The following LDB1 variants were observed in gnomAD, a reference collection of about 807,000 sequenced individuals.
The protein encoded by LDB1 is LIM domain-binding protein 1.
In LDB1, 6 loss-of-function variants were observed where a neutral mutation model predicts 49.7. The ratio of observed to expected loss-of-function variants is 0.12; its 90% CI spans 0.07 to 0.24. The LOEUF (loss-of-function observed/expected upper bound fraction) is 0.24, where lower values mean the gene tolerates loss of function less well. Ranked by LOEUF, LDB1 falls within the 10% of genes least tolerant of loss-of-function variation. The probability of loss-of-function intolerance (pLI) is 1.00; values close to 1 mark genes in which losing one functional copy is unlikely to be tolerated. For synonymous variants in LDB1, 233 were observed against 202.0 expected, an observed-to-expected ratio of 1.15 and a Z score of -1.30; for missense variants, 341 against 561.7, an observed-to-expected ratio of 0.61 and a Z score of 3.97.
intron 1 of LDB1, among the ~76,000 whole-genome samples, chr10:102,119,306 C>G (rs558325799): frequency 4.0e-5 from 6 of 151,666 alleles, no homozygotes; most frequent in African/African-American, 1.2e-4. Flanking sequence ...CCGCCCCCCC[C>G]ACCTGCCCCC....
At position 102,109,023 on chromosome 10, in the gene LDB1, G is replaced by C; in HGVS notation, c.1005+6C>G. 6.2e-7 allele frequency: 1 copy of C among 1,614,244 alleles called. No homozygotes were observed. The highest frequency in any genetic ancestry group is 8.5e-7 in the Non-Finnish European group (1 of 1,180,044). ...CCAGAAGAGAGAAGAAAGCCGAGATGCTTACAGGTACCTGGCTGGAGAGGG... is the reference window on the plus strand; with the variant it reads ...CCAGAAGAGAGAAGAAAGCCGAGATCCTTACAGGTACCTGGCTGGAGAGGG... On this transcript the variant is annotated splice_donor_region_variant and intron_variant, in intron 10 of 10. Coordinates refer to ENST00000673968, the MANE Select transcript of LDB1 (RefSeq NM_001113407.3). The surrounding 1 kb of genome is among the most constrained non-coding windows in gnomAD (Gnocchi z 5.8).
In LDB1 at chr10:102,111,281, G is replaced by A. The variant is rs1392938518; in HGVS notation, c.148C>T (p.Pro50Ser). 6.2e-7 allele frequency: 1 copy of A among 1,614,138 alleles called. No individual in the cohort carries two copies. Among genetic ancestry groups the A allele is most frequent in the South Asian group, 1.1e-5 (1 of 91,084 alleles). ...RDVGPTPMYP[P>S]TYLEPGIGRH... Reference sequence around the variant, plus strand: ...CCAATCCCTGGCTCCAGGTATGTAGGCGGATACATGGGAGTTGGGCTGTGT... The same window carrying A: ...CCAATCCCTGGCTCCAGGTATGTAGACGGATACATGGGAGTTGGGCTGTGT... Residue 50 changes from proline (P) to serine (S), a missense_variant, in exon 3 of 11, where the codon CCT (proline) becomes TCT (serine). This residue lies in a region of LDB1 where 48 missense variants were observed against 43.9 expected (regional missense o/e 1.09). Transcript: ENST00000673968.
At position 102,114,377 on chromosome 10, in the gene LDB1, C is replaced by T. The variant is rs1228132330; in HGVS notation, c.26-2841G>A. On this transcript the variant is annotated intron_variant, in intron 1 of 10. Transcript: ENST00000673968. ...GGGCTGAGGGCCTTCCGCCCACCCC[C>T]AACAGGCTCGCAGGGTGCCCAGACT... 1.5e-5 allele frequency: 15 copies of T among 986,236 alleles called. No individual in the cohort carries two copies. The East Asian group carries it at 1.0e-3, about 67-fold the overall frequency. 61.1% of individuals were successfully genotyped at this position (986,236 alleles called of 1,614,324 possible).
intron 1 of LDB1, among the ~76,000 whole-genome samples, chr10:102,115,723 C>T (rs2068327683): frequency 6.6e-6 from 1 of 152,072 alleles, no homozygotes; most frequent in Non-Finnish European, 1.5e-5. Context: ...TCCTCCCCAC[C>T]ACCCCAGAAA....
At chr10:102,121,180 C>T (rs1564919356), upstream of LDB1, among the ~76,000 whole-genome samples, 3 of 152,124 alleles carry the variant, frequency 2.0e-5, no homozygotes, top group South Asian at 6.2e-4. Flanking sequence ...GATTGGATTA[C>T]GGAGGGGCGA....
Position 102,109,755 on chromosome 10 carries a change from A to G in LDB1, c.649-72T>C, listed in dbSNP as rs1341763263. The G allele has an allele frequency of 6.4e-7, 1 of 1,555,078 alleles. No homozygotes were observed. On this transcript the variant is annotated intron_variant, in intron 7 of 10. Transcript: ENST00000673968. This position sits in a 1 kb window ranked among gnomAD's most constrained non-coding sequence, Gnocchi z 5.8. ...CTCTGCTCACCTGCCCTATCATCTG[A>G]GCATTGTGACACTCCTGAGAGAGGA...
At chr10:102,108,430 C>A in intron 10 of LDB1, 107 bp from the exon 11 acceptor site, 1 of 762,508 alleles carries the variant, frequency 1.3e-6, no homozygotes, top group South Asian at 1.7e-5. Context: ...CTCAAGAGTC[C>A]CCACCCCCTC....
chr10:102,120,515 A>G, upstream of LDB1: 1 of 364,498 alleles, frequency 2.7e-6, no homozygotes, highest in Non-Finnish European at 3.8e-6. Flanking sequence ...GCCGGGCTTT[A>G]TTAATATGCT....
At position 102,108,288 on chromosome 10, in the gene LDB1, G is replaced by A. The variant is rs2068196921; in HGVS notation, c.1041C>T (p.Gly347=). ...TCTCGTCCTCGTCCCCGAACTCCCC[G>A]CCCATCAGGGTGGGCTCCCCCACCA... ...VMVVGEPTLM[G]GEFGDEDERL... Residue 347 remains glycine, a synonymous_variant, in exon 11 of 11, where the codon GGC becomes GGT. Transcript: ENST00000673968. The A allele has an allele frequency of 1.9e-6, 3 of 1,613,620 alleles. No homozygotes were observed. Among genetic ancestry groups the A allele is most frequent in the Non-Finnish European group, 1.7e-6 (2 of 1,179,828 alleles).
At chr10:102,114,812 G>GGGGGCCC in intron 1 of LDB1, 45 of 929,800 alleles carry the variant, frequency 4.8e-5, no homozygotes, top group Middle Eastern at 5.5e-4. Flanking sequence ...CCTCCGAGCA[G>GGGGGCCC]CCCGCCCGCC....
At chr10:102,106,170 A>G (rs1411471536), downstream of LDB1, among the ~76,000 whole-genome samples, 1 of 151,922 alleles carries the variant, frequency 6.6e-6, no homozygotes, top group Non-Finnish European at 1.5e-5. Context: ...AACCTGCCCC[A>G]GGAGGGCCAC....
chr10:102,121,273 C>T (rs1053552183), upstream of LDB1, among the ~76,000 whole-genome samples: 9 of 152,078 alleles, frequency 5.9e-5, no homozygotes, highest in East Asian at 1.9e-4. Flanking sequence ...AGCCTTGGTG[C>T]CTTCACCTCC....
rs913022392 is a variant in LDB1, at chr10:102,109,195, G to C, written c.857-18C>G. On this transcript the variant is annotated intron_variant, in intron 9 of 10. Transcript: ENST00000673968. The surrounding 1 kb of genome is among the most constrained non-coding windows in gnomAD (Gnocchi z 5.8). ...GGGCTCCGCTGTGCCGGTAAACGGA[G>C]ACTCAGATGGGAGAGGGCCCCAGGT... is the stretch of plus-strand genomic sequence containing the variant. 9.3e-6 allele frequency: 15 copies of C among 1,612,752 alleles called. No individual in the cohort carries two copies. Among genetic ancestry groups the C allele is most frequent in the African/African-American group, 6.7e-5 (5 of 74,868 alleles).
rs1041701568 is a variant in LDB1, at chr10:102,110,104, T to TA, written c.526-62dup. 4.4e-5 allele frequency: 67 copies of TA among 1,530,986 alleles called. No homozygotes were observed. In the African/African-American group the frequency reaches 8.8e-4, roughly 20 times the overall value. The allele number at this position is 1,530,986 out of a possible 1,614,324, so 94.8% of individuals were successfully genotyped here. A position where few individuals can be genotyped will look rare whatever the true frequency, so the allele number is the denominator to read the frequency against. On this transcript the variant is annotated intron_variant, in intron 6 of 10. Transcript: ENST00000673968. ...CACATACCATACCTGAAGGTATGTC[T>TA]ATTACAGTCTCCCATTTGCTTACAA...
rs1437536591 is a variant in LDB1, at chr10:102,109,099, C to G, written c.935G>C (p.Gly312Ala). 1 of 1,614,142 alleles carries G rather than the reference C, an allele frequency of 6.2e-7. No homozygotes were observed. ...CTTGCTGTTGCTGTTGTTGGTGTTGCCACCACCAGAGCTCATGGTGCTGCC... is the reference window on the plus strand; with the variant it reads ...CTTGCTGTTGCTGTTGTTGGTGTTGGCACCACCAGAGCTCATGGTGCTGCC... ...SGGSTMSSGG[G>A]NTNNSNSKKK... The change falls in exon 10 of 11, where the codon GGC (glycine) becomes GCC (alanine). Residue 312 changes from glycine (G) to alanine (A), a missense_variant. Transcript: ENST00000673968. This position sits in a 1 kb window ranked among gnomAD's most constrained non-coding sequence, Gnocchi z 5.8.
intron 4 of LDB1, 22 bp from the exon 5 acceptor site, chr10:102,110,993 G>A (rs750164908): frequency 1.9e-6 from 3 of 1,611,564 alleles, no homozygotes; most frequent in African/African-American, 2.7e-5. Context: ...GGTAACGGGT[G>A]TTCATGTGTC....
rs1444583488 is a variant in LDB1 at position 102,107,147 on chromosome 10, TAAGGG to T, written c.*941_*945del. Among the ~76,000 whole-genome samples, 2 of 152,060 alleles carry T rather than the reference TAAGGG, an allele frequency of 1.3e-5. No homozygotes were observed. The highest frequency in any genetic ancestry group is 2.9e-5 in the Non-Finnish European group (2 of 68,018). On this transcript the variant is annotated 3_prime_UTR_variant, in exon 11 of 11. Transcript: ENST00000673968. The stretch of plus-strand genomic sequence containing the variant: ...GCTGCTCCCTTCTCTCCACGCTCCC[TAAGGG>T]AAGGAGCCTCCCCTCCCCGCATCCT...
chr10:102,116,106 G>A (rs1251821490), intron 1 of LDB1, among the ~76,000 whole-genome samples: 4 of 152,144 alleles, frequency 2.6e-5, no homozygotes, highest in Non-Finnish European at 5.9e-5. Flanking sequence ...TATTGCACCT[G>A]GCTCTGTGAA....
In LDB1 at chr10:102,111,352, G is replaced by T. The variant is rs564253642; in HGVS notation, c.129-52C>A. 8.0e-5 allele frequency: 128 copies of T among 1,602,026 alleles called. No homozygotes were observed. The East Asian group carries it at 2.8e-3, about 35-fold the overall frequency. On this transcript the variant is annotated intron_variant, in intron 2 of 10. Coordinates refer to ENST00000673968, the MANE Select transcript of LDB1 (RefSeq NM_001113407.3). ...TGGGGGTTGAAGATAGGAATTATTG[G>T]GGGCAGGGGGCTACTCCCTCCCCTT...
Sources: gnomAD v4.1 joint callset for allele counts (sites outside exome capture counted in the v4.1 genomes callset) on GRCh38, gnomAD v4.1.1 for gene constraint, gnomAD v4.1.1 regional missense constraint, Gnocchi (gnomAD v3.1) non-coding constraint, MANE v1.5 for transcripts, NCBI Gene and HGNC (gene_info 2026-07-23, HGNC 2026-07-21) for gene names.